Variants in ZNF850 observed in about 807,000 individuals in gnomAD.
ZNF850 encodes the protein zinc finger protein 850.
In ZNF850, 2 loss-of-function variants were observed where a neutral mutation model predicts 11.9. The observed-to-expected ratio is 0.17, with a 90% CI of 0.07 to 0.53. The LOEUF (loss-of-function observed/expected upper bound fraction) is 0.53, where lower values mean the gene tolerates loss of function less well. ZNF850 is among the 20% of genes least tolerant of loss of function. The pLI is 0.94. For synonymous variants in ZNF850, 381 were observed against 443.0 expected, an observed-to-expected ratio of 0.86 and a Z score of 1.76; for missense variants, 1,014 against 1,316.4, an observed-to-expected ratio of 0.77 and a Z score of 3.55.
In ZNF850 at chr19:36,743,757, C is replaced by A. The variant is rs1419522937; in HGVS notation, c.*4010G>T. 1.3e-5 allele frequency: 2 copies of A among 152,062 alleles called. No individual in the cohort carries two copies. Among genetic ancestry groups the A allele is most frequent in the Non-Finnish European group, 2.9e-5 (2 of 67,996 alleles). The allele number at this position is 152,062 out of a possible 1,614,324, so 9.4% of individuals were successfully genotyped here. On this transcript the variant is annotated 3_prime_UTR_variant, in exon 5 of 5. Transcript: ENST00000591344. ...AAAAATATAAAGACTTACTAAAGCACATAAAAGAATACCTACTGAAATAAA... is the reference window on the plus strand; with the variant it reads ...AAAAATATAAAGACTTACTAAAGCAAATAAAAGAATACCTACTGAAATAAA...
chr19:36,770,567 G>A (rs1182140395), intron 1 of ZNF850, among the ~76,000 whole-genome samples: 1 of 151,778 alleles, frequency 6.6e-6, no homozygotes, highest in Non-Finnish European at 1.5e-5. Context: ...TTAGCCGGGC[G>A]TGGTGGCGCG....
chr19:36,751,516 TG>T (rs1219120264), intron 4 of ZNF850, among the ~76,000 whole-genome samples: 3 of 151,818 alleles, frequency 2.0e-5, no homozygotes, highest in African/African-American at 7.3e-5. Flanking sequence ...CTGGCCAACA[TG>T]GTGAAACCCT....
At chr19:36,756,424 G>GA (rs2040486670) in intron 4 of ZNF850, among the ~76,000 whole-genome samples, 1 of 152,134 alleles carries the variant, frequency 6.6e-6, no homozygotes, top group Non-Finnish European at 1.5e-5. Flanking sequence ...ATTCATATGT[G>GA]ATGTATGTGT....
At position 36,749,296 on chromosome 19, in the gene ZNF850, T is replaced by A. The variant is rs1412773119; in HGVS notation, c.1744A>T (p.Ile582Phe). ...SRSALIQHQR[I>F]HTGEKPYHCK... ...TGATAGGGTTTCTCACCAGTGTGAA[T>A]TCGCTGATGTTGAATTAGTGCTGAG... The change falls in exon 5 of 5, where the codon ATT becomes TTT. Residue 582 changes from isoleucine to phenylalanine, a missense_variant. Around this residue, in one of 2 missense-constraint regions of ZNF850, gnomAD observed 835 missense variants for 1,022.0 expected, o/e 0.82. Transcript: ENST00000591344. 1 of 1,568,062 alleles carries A rather than the reference T, an allele frequency of 6.4e-7. No homozygotes were observed. Among genetic ancestry groups the A allele is most frequent in the Non-Finnish European group, 8.6e-7 (1 of 1,160,818 alleles).
At chr19:36,756,722 G>T (rs2145961399) in intron 4 of ZNF850, among the ~76,000 whole-genome samples, 1 of 151,962 alleles carries the variant, frequency 6.6e-6, no homozygotes, top group East Asian at 2.0e-4. Context: ...CAACCAATTT[G>T]CCTGCCTCAG....
chr19:36,758,561 T>C (rs1230702276), intron 4 of ZNF850, among the ~76,000 whole-genome samples: 3 of 152,036 alleles, frequency 2.0e-5, no homozygotes, highest in Non-Finnish European at 4.4e-5. Flanking sequence ...TTTTTATTTT[T>C]AGTACAGAGG....
In ZNF850 at chr19:36,748,856, G is replaced by C. The variant is rs754661417; in HGVS notation, c.2184C>G (p.Pro728=). Residue 728 remains proline, a synonymous_variant, in exon 5 of 5, where the codon CCC becomes CCG. Coordinates refer to ENST00000591344, the MANE Select transcript of ZNF850 (RefSeq NM_001193552.2). ...ATTTCCCACATTCCTTACCATCATA[G>C]GGTTTCTCATCAGTGTGATTTTGCT... The part of the protein sequence containing the change: ...QHQQNHTDEK[P]YDGKECGKSF... 6.5e-7 allele frequency: 1 copy of C among 1,549,082 alleles called. No homozygotes were observed. The highest frequency in any genetic ancestry group is 1.2e-5 in the South Asian group (1 of 84,824).
rs1278542689 is a variant in ZNF850 at position 36,744,688 on chromosome 19, A to G, written c.*3079T>C. The stretch of plus-strand genomic sequence containing the variant: ...CTCCATCTTCACCCTCTCTGTATAT[A>G]TTTATGTTTAAATATCTCCAAGGAA... On this transcript the variant is annotated 3_prime_UTR_variant, in exon 5 of 5. Transcript: ENST00000591344. The G allele has an allele frequency of 6.6e-6, 1 of 152,188 alleles. No homozygotes were observed. Among genetic ancestry groups the G allele is most frequent in the Non-Finnish European group, 1.5e-5 (1 of 68,046 alleles). 9.4% of individuals were successfully genotyped at this position (152,188 alleles called of 1,614,324 possible).
In ZNF850 at chr19:36,761,567, C is replaced by G. The variant is rs925098711; in HGVS notation, c.235+76G>C. 4 of 787,252 alleles carry G rather than the reference C, an allele frequency of 5.1e-6. No homozygotes were observed. The African/African-American group carries it at 6.9e-5, about 14-fold the overall frequency. The allele number at this position is 787,252 out of a possible 1,614,324, so 48.8% of individuals were successfully genotyped here. ...TGAAGAAGAGACTCCTCAACCAATA[C>G]CTGTACGGTGCTGCCTCCCTGACAG... On this transcript the variant is annotated intron_variant, in intron 4 of 4. Transcript: ENST00000591344.
rs1179113291 is a variant in ZNF850, at chr19:36,744,900, A to C, written c.*2867T>G. ...TTTGGGAGGCCGAGGTGGGCGGGTC[A>C]TGAGGTCAGGAGATTGAGACCATCC... On this transcript the variant is annotated 3_prime_UTR_variant, in exon 5 of 5. Transcript: ENST00000591344. The C allele has an allele frequency of 6.6e-6, 1 of 152,106 alleles. No homozygotes were observed. The highest frequency in any genetic ancestry group is 2.4e-5 in the African/African-American group (1 of 41,414). 9.4% of individuals were successfully genotyped at this position (152,106 alleles called of 1,614,324 possible).
intron 1 of ZNF850, among the ~76,000 whole-genome samples, chr19:36,769,345 A>G (rs2040568461): frequency 6.6e-6 from 1 of 151,742 alleles, no homozygotes; most frequent in Admixed American, 6.6e-5. Flanking sequence ...TCAGGCCTGT[A>G]ATCCTAGCAC....
At chr19:36,769,102 A>G (rs1054760121) in intron 1 of ZNF850, among the ~76,000 whole-genome samples, 10 of 151,632 alleles carry the variant, frequency 6.6e-5, no homozygotes, top group African/African-American at 2.4e-4. Flanking sequence ...CTCTACTACA[A>G]ATACAAAAAT....
At chr19:36,761,899 G>T (rs1233211858) in intron 3 of ZNF850, among the ~76,000 whole-genome samples, 161 bp from the exon 4 acceptor site, 1 of 151,248 alleles carries the variant, frequency 6.6e-6, no homozygotes, top group Non-Finnish European at 1.5e-5. Flanking sequence ...TACAAAAATT[G>T]GCTGGGCATG....
chr19:36,753,568 G>T (rs2040467616), intron 4 of ZNF850, among the ~76,000 whole-genome samples: 1 of 151,564 alleles, frequency 6.6e-6, no homozygotes, highest in African/African-American at 2.4e-5. Flanking sequence ...ACTCCAGCCT[G>T]GGTGACCACG....
intron 4 of ZNF850, among the ~76,000 whole-genome samples, chr19:36,761,442 A>G (rs2040517411): frequency 1.3e-5 from 2 of 151,934 alleles, no homozygotes; most frequent in African/African-American, 4.8e-5. Flanking sequence ...CCATCTCAAA[A>G]TAAATAAATA....
chr19:36,749,364 T>C lies in ZNF850; in HGVS notation c.1676A>G (p.Lys559Arg), dbSNP rs1474924674. The change falls in exon 5 of 5, where the codon AAA (lysine) becomes AGA (arginine). Residue 559 changes from lysine to arginine, a missense_variant. Around this residue, in one of 2 missense-constraint regions of ZNF850, gnomAD observed 835 missense variants for 1,022.0 expected, o/e 0.82. Transcript: ENST00000591344. ...TCCACATTCTTTACAATCATAGGGT[T>C]TCTCACCAGTGTGAACTGCCTGATG... ...IGHQAVHTGE[K>R]PYDCKECGKS... 3 of 1,550,042 alleles carry C rather than the reference T, an allele frequency of 1.9e-6. No individual in the cohort carries two copies. Among genetic ancestry groups the C allele is most frequent in the Non-Finnish European group, 2.6e-6 (3 of 1,152,372 alleles).
chr19:36,759,928 C>G (rs187783577), intron 4 of ZNF850, among the ~76,000 whole-genome samples: 51 of 152,290 alleles, frequency 3.3e-4, no homozygotes, highest in Non-Finnish European at 6.5e-4. Flanking sequence ...AACATTGTCA[C>G]CAACTTATTG....
At chr19:36,754,142 C>T (rs1382973216) in intron 4 of ZNF850, among the ~76,000 whole-genome samples, 11 of 131,064 alleles carry the variant, frequency 8.4e-5, no homozygotes, top group African/African-American at 2.6e-4. Context: ...GCACTCAGCC[C>T]GGGCAACAGA....
chr19:36,769,516 C>G (rs1179372855), intron 1 of ZNF850, among the ~76,000 whole-genome samples: 1 of 151,802 alleles, frequency 6.6e-6, no homozygotes, highest in Non-Finnish European at 1.5e-5. Context: ...AGGAGGATCA[C>G]TTGAGCACAG....
Sources: gnomAD v4.1 joint callset for allele counts (sites outside exome capture counted in the v4.1 genomes callset) on GRCh38, gnomAD v4.1.1 for gene constraint, gnomAD v4.1.1 regional missense constraint, MANE v1.5 for transcripts, NCBI Gene and HGNC (gene_info 2026-07-23, HGNC 2026-07-21) for gene names.